The following TTC28 variants were observed in gnomAD, a reference collection of about 807,000 sequenced individuals.
The protein encoded by TTC28 is tetratricopeptide repeat domain 28, also known as tetratricopeptide repeat protein 28.
A neutral mutation model predicts 198.0 loss-of-function variants in TTC28; 61 were observed. The ratio of observed to expected loss-of-function variants is 0.31; its 90% CI spans 0.25 to 0.38. TTC28 has a LOEUF of 0.38. Among genes scored for constraint, TTC28 ranks in the 10% least tolerant of loss-of-function variants. The probability of loss-of-function intolerance (pLI) is 1.00; values close to 1 mark genes in which losing one functional copy is unlikely to be tolerated. For missense variants in TTC28, 2,678 were observed against 3,164.0 expected (o/e 0.85, Z 3.69); for synonymous variants, 1,171 against 1,297.8 (o/e 0.90, Z 2.10).
At chr22:28,557,801 T>C (rs1024554431) in intron 2 of TTC28, among the ~76,000 whole-genome samples, 1 of 152,222 alleles carries the variant, frequency 6.6e-6, no homozygotes, top group African/African-American at 2.4e-5. Flanking sequence ...AGAGAATTTA[T>C]ATTTGCTTCT....
chr22:28,508,118 G>C (rs1008323058), intron 2 of TTC28, among the ~76,000 whole-genome samples: 22 of 151,780 alleles, frequency 1.4e-4, no homozygotes, highest in African/African-American at 5.3e-4. Flanking sequence ...TGGAAAGCTA[G>C]ATAAAGAGCC....
At chr22:28,097,778 G>C (rs1942019839) in intron 10 of TTC28, among the ~76,000 whole-genome samples, 1 of 152,172 alleles carries the variant, frequency 6.6e-6, no homozygotes, top group Non-Finnish European at 1.5e-5. Flanking sequence ...GTGGAGATTT[G>C]TATGTGTGTA....
chr22:28,314,261 C>T (rs2045317157), intron 2 of TTC28, among the ~76,000 whole-genome samples: 1 of 152,086 alleles, frequency 6.6e-6, no homozygotes, highest in Non-Finnish European at 1.5e-5. Context: ...TAGGAAGAAT[C>T]AATATTGTGA....
chr22:28,291,749 A>T (rs1275417655), intron 5 of TTC28, among the ~76,000 whole-genome samples: 2 of 152,216 alleles, frequency 1.3e-5, no homozygotes, highest in Admixed American at 6.5e-5. Flanking sequence ...ACCTACAAGG[A>T]TATTTTTCCA....
chr22:28,331,487 A>G (rs2045615822), intron 2 of TTC28, among the ~76,000 whole-genome samples: 1 of 152,122 alleles, frequency 6.6e-6, no homozygotes, highest in Non-Finnish European at 1.5e-5. Flanking sequence ...AAATAAAAAA[A>G]TTAACAGGAA....
At chr22:28,217,403 TC>T in intron 5 of TTC28, among the ~76,000 whole-genome samples, 1 of 152,308 alleles carries the variant, frequency 6.6e-6, no homozygotes, top group African/African-American at 2.4e-5. Flanking sequence ...TTCAGCCAAG[TC>T]ACATCTAATT....
intron 12 of TTC28, among the ~76,000 whole-genome samples, chr22:28,075,898 G>A (rs1015972981): frequency 1.1e-4 from 17 of 152,130 alleles, no homozygotes; most frequent in Admixed American, 6.5e-4. Context: ...TAATTTACAC[G>A]TTTGTTGCAT....
intron 2 of TTC28, among the ~76,000 whole-genome samples, chr22:28,349,466 C>G (rs950581775): frequency 6.6e-6 from 1 of 152,188 alleles, no homozygotes; most frequent in East Asian, 1.9e-4. Context: ...AATGCCCATC[C>G]ATCTGCCTGA....
At chr22:28,673,997 G>C (rs1036889203) in intron 1 of TTC28, among the ~76,000 whole-genome samples, 1 of 152,046 alleles carries the variant, frequency 6.6e-6, no homozygotes, top group African/African-American at 2.4e-5. Context: ...AAAAAAAGTA[G>C]TGAAAAAACA....
chr22:28,628,691 G>C (rs1415392881), intron 2 of TTC28, among the ~76,000 whole-genome samples: 1 of 152,132 alleles, frequency 6.6e-6, no homozygotes, highest in African/African-American at 2.4e-5. Context: ...TTTTATCCCA[G>C]CACTTCGGGA....
chr22:27,999,351 C>T, intron 15 of TTC28, 91 bp from the exon 16 acceptor site: 1 of 1,452,228 alleles, frequency 6.9e-7, no homozygotes, highest in South Asian at 1.5e-5. Context: ...ACGGCCAGCT[C>T]TCTGCTGGTT....
At chr22:28,621,876 T>C (rs1014017318) in intron 2 of TTC28, among the ~76,000 whole-genome samples, 1 of 151,898 alleles carries the variant, frequency 6.6e-6, no homozygotes, top group Non-Finnish European at 1.5e-5. Context: ...ACTAGCTAAC[T>C]GGAAGAAATG....
At chr22:28,050,809 C>T (rs1466560278) in intron 12 of TTC28, among the ~76,000 whole-genome samples, 1 of 152,218 alleles carries the variant, frequency 6.6e-6, no homozygotes, top group African/African-American at 2.4e-5. Flanking sequence ...TAGACCTCCA[C>T]ATAATGCTTT....
intron 5 of TTC28, among the ~76,000 whole-genome samples, chr22:28,275,742 C>CA (rs373466726): frequency 0.018 from 2,479 of 140,332 alleles, 36 homozygotes; most frequent in African/African-American, 0.042. Flanking sequence ...AAAGTTTAAA[C>CA]AAAAAAAAAA....
chr22:28,017,346 T>C (rs1402501756), intron 13 of TTC28, among the ~76,000 whole-genome samples: 1 of 152,222 alleles, frequency 6.6e-6, no homozygotes, highest in Non-Finnish European at 1.5e-5. Context: ...CCAGGCACCA[T>C]GGGTGCCACC....
At chr22:28,316,372 G>T (rs1394711448) in intron 2 of TTC28, among the ~76,000 whole-genome samples, 1 of 152,018 alleles carries the variant, frequency 6.6e-6, no homozygotes, top group African/African-American at 2.4e-5. Context: ...TTTAAAATTG[G>T]GTACTATGAT....
At chr22:28,478,801 A>G (rs1189714978) in intron 2 of TTC28, among the ~76,000 whole-genome samples, 1 of 152,164 alleles carries the variant, frequency 6.6e-6, no homozygotes, top group East Asian at 1.9e-4. Flanking sequence ...TAGCTCACTG[A>G]GGTCTCAGTT....
At chr22:28,326,043 C>A (rs1426866764) in intron 2 of TTC28, among the ~76,000 whole-genome samples, 1 of 152,064 alleles carries the variant, frequency 6.6e-6, no homozygotes, top group African/African-American at 2.4e-5. Context: ...ATATTTATAG[C>A]AGCTCTATTC....
At chr22:28,571,688 C>CTGAT (rs1236737584) in intron 2 of TTC28, among the ~76,000 whole-genome samples, 2 of 152,120 alleles carry the variant, frequency 1.3e-5, no homozygotes, top group Non-Finnish European at 2.9e-5. Flanking sequence ...TGGTTCATGC[C>CTGAT]TGTAATCCCA....
Sources: allele counts gnomAD v4.1 joint callset (sites outside exome capture counted in the v4.1 genomes callset), GRCh38; gene constraint gnomAD v4.1.1; transcripts MANE v1.5; gene names NCBI Gene and HGNC (gene_info 2026-07-23, HGNC 2026-07-21).